The following HINFP variants were observed in gnomAD, a reference collection of about 807,000 sequenced individuals.
The protein encoded by HINFP is MBD2 (methyl-CpG-binding protein)-interacting zinc finger protein.
In HINFP, 20 loss-of-function variants were observed where a neutral mutation model predicts 50.1. That is an observed-to-expected ratio of 0.40 (90% CI 0.28 to 0.58). The LOEUF is 0.58. Among genes scored for constraint, HINFP ranks in the 20% least tolerant of loss-of-function variants. HINFP has a pLI of 0.45. For missense variants in HINFP, 505 were observed against 664.1 expected, an observed-to-expected ratio of 0.76 and a Z score of 2.63; for synonymous variants, 247 against 243.7, an observed-to-expected ratio of 1.01 and a Z score of -0.13.
chr11:119,122,080 G>C (rs952299480), intron 1 of HINFP: 2 of 152,176 alleles, frequency 1.3e-5, no homozygotes, highest in Non-Finnish European at 2.9e-5. Context: ...TGAGTTCTTA[G>C]GCGTTTAGGA....
In HINFP at chr11:119,134,059, G is replaced by C. The variant is rs1324629513; in HGVS notation, c.1140-25G>C. On this transcript the variant is annotated intron_variant, in intron 9 of 9. Coordinates refer to ENST00000350777, the MANE Select transcript of HINFP (RefSeq NM_198971.3). The surrounding 1 kb of genome is among the most constrained non-coding windows in gnomAD (Gnocchi z 4.3). Reference sequence around the variant, plus strand: ...CTGTATCCCCCTGCCTGGGTTTGCTGCCCTTTATGCTCCTACCTCACCAGG... The same window carrying C: ...CTGTATCCCCCTGCCTGGGTTTGCTCCCCTTTATGCTCCTACCTCACCAGG... 1 of 1,613,544 alleles carries C rather than the reference G, an allele frequency of 6.2e-7. No individual in the cohort carries two copies. Among genetic ancestry groups the C allele is most frequent in the East Asian group, 2.2e-5 (1 of 44,850 alleles).
At chr11:119,126,812 G>C in intron 1 of HINFP, 123 bp from the exon 2 acceptor site, 1 of 748,114 alleles carries the variant, frequency 1.3e-6, no homozygotes, top group Non-Finnish European at 2.2e-6. Flanking sequence ...AAAAGGGCAG[G>C]GTTTCTCATG....
chr11:119,133,088 C>G lies in HINFP; in HGVS notation c.1015-7C>G. ...CTGGTCTCATTTCTCCCTTCCTTCCCCATCAGGGAGACTCTGAGCCAAGGT... is the reference window on the plus strand; with the variant it reads ...CTGGTCTCATTTCTCCCTTCCTTCCGCATCAGGGAGACTCTGAGCCAAGGT... On this transcript the variant is annotated splice_polypyrimidine_tract_variant and splice_region_variant and intron_variant, in intron 8 of 9. Coordinates refer to ENST00000350777, the MANE Select transcript of HINFP (RefSeq NM_198971.3). 2 of 1,614,212 alleles carry G rather than the reference C, an allele frequency of 1.2e-6. No individual in the cohort carries two copies. Among genetic ancestry groups the G allele is most frequent in the South Asian group, 2.2e-5 (2 of 91,082 alleles).
intron 1 of HINFP, among the ~76,000 whole-genome samples, chr11:119,123,023 G>A (rs1947162558): frequency 6.7e-6 from 1 of 149,148 alleles, no homozygotes; most frequent in South Asian, 2.1e-4. Context: ...TAATACTTCG[G>A]AGGCTAAGTC....
At chr11:119,122,975 T>C (rs1257617293) in intron 1 of HINFP, among the ~76,000 whole-genome samples, 1 of 151,770 alleles carries the variant, frequency 6.6e-6, no homozygotes, top group East Asian at 1.9e-4. Flanking sequence ...CTACAAAAAT[T>C]AGCTGGGCGT....
rs1468018583 is a variant in HINFP, at chr11:119,134,999, T to G, written c.*501T>G. Reference sequence around the variant, plus strand: ...ATCCTCAGGGACAGGATTGGAGGCATTGAGCGTGTTTATTAACAAATTGTT... The same window carrying G: ...ATCCTCAGGGACAGGATTGGAGGCAGTGAGCGTGTTTATTAACAAATTGTT... On this transcript the variant is annotated 3_prime_UTR_variant, in exon 10 of 10. Coordinates refer to ENST00000350777, the MANE Select transcript of HINFP (RefSeq NM_198971.3). This position sits in a 1 kb window ranked among gnomAD's most constrained non-coding sequence, Gnocchi z 4.3. The G allele has an allele frequency of 6.5e-6, 1 of 153,728 alleles. No individual in the cohort carries two copies. The highest frequency in any genetic ancestry group is 2.4e-5 in the African/African-American group (1 of 41,488). 9.5% of individuals were successfully genotyped at this position (153,728 alleles called of 1,614,324 possible). A position where few individuals can be genotyped will look rare whatever the true frequency, so the allele number is the denominator to read the frequency against.
At chr11:119,127,616 T>G (rs1391408346) in intron 2 of HINFP, among the ~76,000 whole-genome samples, 1 of 151,794 alleles carries the variant, frequency 6.6e-6, no homozygotes, top group Non-Finnish European at 1.5e-5. Flanking sequence ...TGATCATAGC[T>G]CACTGCAGCC....
chr11:119,123,719 T>TG (rs1184275053), intron 1 of HINFP: 8,647 of 144,808 alleles, frequency 0.06, 308 homozygotes, highest in Non-Finnish European at 0.086. Context: ...TTTTTTTTTT[T>TG]TTTTTTTTTT....
In HINFP at chr11:119,131,475, A is replaced by G; in HGVS notation, c.412-60A>G. ...GGAGAGAGCCAAGAATTCTTCGGGC[A>G]CATAGGGGTGAGTCCCTCTACCCAC... On this transcript the variant is annotated intron_variant, in intron 3 of 9. Transcript: ENST00000350777. The surrounding 1 kb of genome is among the most constrained non-coding windows in gnomAD (Gnocchi z 4.2). 1 of 1,128,050 alleles carries G rather than the reference A, an allele frequency of 8.9e-7. No homozygotes were observed. Among genetic ancestry groups the G allele is most frequent in the Non-Finnish European group, 1.4e-6 (1 of 736,350 alleles). 69.9% of individuals were successfully genotyped at this position (1,128,050 alleles called of 1,614,324 possible). A position where few individuals can be genotyped will look rare whatever the true frequency, so the allele number is the denominator to read the frequency against.
chr11:119,129,361 C>G (rs567487216), intron 2 of HINFP, among the ~76,000 whole-genome samples: 1 of 151,214 alleles, frequency 6.6e-6, no homozygotes, highest in African/African-American at 2.4e-5. Context: ...TTTTTAGAGA[C>G]AGAGTCTTGC....
chr11:119,132,077 G>A lies in HINFP; in HGVS notation c.676+95G>A, dbSNP rs1392730747. 6.4e-6 allele frequency: 9 copies of A among 1,396,522 alleles called. No individual in the cohort carries two copies. The African/African-American group carries it at 1.3e-4, about 20-fold the overall frequency. The allele number at this position is 1,396,522 out of a possible 1,614,324, so 86.5% of individuals were successfully genotyped here. On this transcript the variant is annotated intron_variant, in intron 5 of 9. Coordinates refer to ENST00000350777, the MANE Select transcript of HINFP (RefSeq NM_198971.3). The stretch of plus-strand genomic sequence containing the variant: ...GTGGGGGTGGCCACTGAAGAGACCT[G>A]CCTTTTGGCTGCCTCTTCTTTTTGG...
chr11:119,129,490 C>CTTTTTTTTTTTT (rs59395600), intron 2 of HINFP, among the ~76,000 whole-genome samples: 29 of 124,162 alleles, frequency 2.3e-4, no homozygotes, highest in South Asian at 1.0e-3. Flanking sequence ...TTTTTCTTTT[C>CTTTTTTTTTTTT]TTTTTTTTTT....
intron 1 of HINFP, chr11:119,125,543 G>A (rs533959696): frequency 2.6e-5 from 4 of 152,278 alleles, no homozygotes; most frequent in East Asian, 1.9e-4. Flanking sequence ...CAGATGTGGT[G>A]GCGCATGCCT....
chr11:119,124,054 A>G (rs1947249032), intron 1 of HINFP: 1 of 152,110 alleles, frequency 6.6e-6, no homozygotes, highest in South Asian at 2.1e-4. Context: ...TCCTGAGCTC[A>G]AGCCATTTGC....
At position 119,134,323 on chromosome 11, in the gene HINFP, CCA is replaced by C; in HGVS notation, c.1380_1381del (p.Ser461PhefsTer24). The C allele has an allele frequency of 6.2e-7, 1 of 1,614,174 alleles. No homozygotes were observed. Among genetic ancestry groups the C allele is most frequent in the Non-Finnish European group, 8.5e-7 (1 of 1,180,002 alleles). On this transcript the variant is annotated frameshift_variant, in exon 10 of 10. Transcript: ENST00000350777. LOFTEE classifies it high-confidence loss of function. This position sits in a 1 kb window ranked among gnomAD's most constrained non-coding sequence, Gnocchi z 4.3. The stretch of plus-strand genomic sequence containing the variant: ...GCCCTCTCAGCCTCTCAGGACAACC[CCA>C]GTTCTGTCATCCACGTGGTGAATCA...
intron 2 of HINFP, among the ~76,000 whole-genome samples, chr11:119,128,319 T>A (rs1947539864): frequency 1.3e-5 from 2 of 152,102 alleles, no homozygotes; most frequent in African/African-American, 4.8e-5. Flanking sequence ...TTTATTTTTT[T>A]TTTGAGATGG....
rs1417800013 is a variant in HINFP at position 119,132,968 on chromosome 11, G to A, written c.980G>A (p.Cys327Tyr). Residue 327 changes from cysteine (C) to tyrosine (Y), a missense_variant, in exon 8 of 10, where the codon TGC becomes TAC. Cys to Tyr is a radical substitution (Grantham distance 194). Transcript: ENST00000350777. ...TGCACCTTCAGTGCCCGATCCCTCT[G>A]CTCTATCAAGTCCCATTACCGCAAA... The part of the protein sequence containing the change: ...ENCTFSARSL[C>Y]SIKSHYRKVH... The A allele has an allele frequency of 3.1e-6, 5 of 1,614,104 alleles. No homozygotes were observed. The highest frequency in any genetic ancestry group is 1.7e-5 in the Admixed American group (1 of 59,998).
In HINFP at chr11:119,131,283, C is replaced by G; in HGVS notation, c.412-252C>G. The G allele has an allele frequency of 1.8e-6, 1 of 571,062 alleles. No individual in the cohort carries two copies. The highest frequency in any genetic ancestry group is 3.2e-6 in the Non-Finnish European group (1 of 314,836). The allele number at this position is 571,062 out of a possible 1,614,324, so 35.4% of individuals were successfully genotyped here. The stretch of plus-strand genomic sequence containing the variant: ...TCTAAATTTTTTGTAGAGACAAGGT[C>G]TGGGTGTGTTGCCCAGGCCGGTCTC... On this transcript the variant is annotated intron_variant, in intron 3 of 9. Transcript: ENST00000350777. This position sits in a 1 kb window ranked among gnomAD's most constrained non-coding sequence, Gnocchi z 4.2.
intron 2 of HINFP, 23 bp downstream of exon 2, chr11:119,127,148 G>T (rs1947452591): frequency 1.9e-6 from 3 of 1,566,968 alleles, no homozygotes; most frequent in South Asian, 2.3e-5. Context: ...GACACAGGAA[G>T]GGGAGGAGCT....
Sources: gnomAD v4.1 joint callset for allele counts (sites outside exome capture counted in the v4.1 genomes callset) on GRCh38, gnomAD v4.1.1 for gene constraint, Gnocchi (gnomAD v3.1) non-coding constraint, MANE v1.5 for transcripts, NCBI Gene and HGNC (gene_info 2026-07-23, HGNC 2026-07-21) for gene names.